The following PABPC1L variants were observed in gnomAD, a reference collection of about 807,000 sequenced individuals.
PABPC1L encodes polyadenylate-binding protein 1-like.
Under a neutral mutation model 66.6 loss-of-function variants are expected in PABPC1L, and 31 were observed. The observed-to-expected ratio is 0.47, with a 90% CI of 0.35 to 0.63. PABPC1L has a LOEUF of 0.63. PABPC1L is among the 20% of genes least tolerant of loss of function. The probability of loss-of-function intolerance (pLI) is 0.00; values close to 1 mark genes in which losing one functional copy is unlikely to be tolerated. For synonymous variants in PABPC1L, 348 were observed against 335.1 expected (o/e 1.04, Z -0.42); for missense variants, 722 against 848.8 (o/e 0.85, Z 1.86).
intron 7 of PABPC1L, among the ~76,000 whole-genome samples, chr20:44,924,972 G>A (rs2062073868): frequency 6.9e-6 from 1 of 145,238 alleles, no homozygotes; most frequent in Non-Finnish European, 1.5e-5. Flanking sequence ...CCAGCACTTT[G>A]GGAGGCTGAG....
In PABPC1L at chr20:44,921,638, G is replaced by A; in HGVS notation, c.783G>A (p.Leu261=). 6.2e-7 allele frequency: 1 copy of A among 1,614,064 alleles called. No homozygotes were observed. The highest frequency in any genetic ancestry group is 1.1e-5 in the South Asian group (1 of 91,080). The change falls in exon 6 of 15, where the codon CTG becomes CTA. Residue 261 remains leucine, a synonymous_variant. Transcript: ENST00000217073. ...MNGKEVSGRL[L]YAGRAQKRVE... ...GGAAGGAGGTGAGCGGGCGGCTGCT[G>A]TACGCGGGCCGGGCCCAAAAGCGCG...
intron 2 of PABPC1L, 67 bp from the exon 3 acceptor site, chr20:44,916,689 C>T: frequency 6.8e-7 from 1 of 1,473,758 alleles, no homozygotes; most frequent in South Asian, 1.1e-5. Context: ...TCGTGATCAC[C>T]TTTGCCATTC....
Position 44,910,234 on chromosome 20 carries a change from T to A in PABPC1L, c.91T>A (p.Phe31Ile), listed in dbSNP as rs1413874498. Residue 31 changes from phenylalanine to isoleucine, a missense_variant, in exon 1 of 15, where the codon TTC (phenylalanine) becomes ATC (isoleucine). Around this residue, in one of 3 missense-constraint regions of PABPC1L, gnomAD observed 284 missense variants for 294.8 expected, o/e 0.96. Coordinates refer to ENST00000217073, the MANE Select transcript of PABPC1L (RefSeq NM_001372179.1). ...DVTEAMLYEK[F>I]SPAGPILSIR... ...GACCGAGGCCATGCTCTATGAGAAG[T>A]TCTCTCCCGCCGGCCCCATCCTGTC... The A allele has an allele frequency of 1.3e-6, 2 of 1,572,522 alleles. No individual in the cohort carries two copies. The highest frequency in any genetic ancestry group is 1.7e-6 in the Non-Finnish European group (2 of 1,159,190).
intron 5 of PABPC1L, among the ~76,000 whole-genome samples, chr20:44,920,317 G>C (rs2066764265): frequency 6.6e-6 from 1 of 152,002 alleles, no homozygotes. Flanking sequence ...ATTCCTCCAT[G>C]CCCCTTAACC....
chr20:44,932,363 T>TA lies in PABPC1L; in HGVS notation c.1262dup (p.Tyr421Ter), dbSNP rs1446326684. 5.6e-6 allele frequency: 9 copies of TA among 1,613,552 alleles called. No individual in the cohort carries two copies. Among genetic ancestry groups the TA allele is most frequent in the Non-Finnish European group, 7.6e-6 (9 of 1,179,740 alleles). The change falls in exon 9 of 15, where the codon TAT becomes TAAT. Residue 421 changes from tyrosine (Y) to a stop codon, truncating the protein, a stop_gained and frameshift_variant. Transcript: ENST00000217073. LOFTEE classifies it high-confidence loss of function. ...MPQPPAQAAY[Y>*]GCGPVTPTQP... ...GCAGCCTCCAGCCCAGGCTGCATAC[T>TA]ATGGCTGTGGCCCAGTGACACCCAC...
intron 7 of PABPC1L, 88 bp downstream of exon 7, chr20:44,924,344 GCCCAGCAGCC>G: frequency 9.6e-7 from 1 of 1,043,296 alleles, no homozygotes; most frequent in Non-Finnish European, 1.4e-6. Flanking sequence ...CCACCCTCTC[GCCCAGCAGCC>G]TTCAGGGGGT....
At chr20:44,939,081 T>C in intron 14 of PABPC1L, 45 bp from the exon 15 acceptor site, 3 of 717,466 alleles carry the variant, frequency 4.2e-6, no homozygotes, top group Non-Finnish European at 7.8e-6. Context: ...AGACTGGGTG[T>C]CTGCCATACT....
At chr20:44,918,756 G>T in intron 3 of PABPC1L, 150 bp from the exon 4 acceptor site, 3 of 829,500 alleles carry the variant, frequency 3.6e-6, no homozygotes, top group African/African-American at 1.7e-5. Context: ...GCCGGGCCTT[G>T]GGGATGTTCT....
chr20:44,929,587 G>C (rs1401364967), intron 7 of PABPC1L, among the ~76,000 whole-genome samples: 1 of 151,828 alleles, frequency 6.6e-6, no homozygotes, highest in Non-Finnish European at 1.5e-5. Flanking sequence ...TTGAGGTCAG[G>C]AGTTTGAGAC....
chr20:44,925,210 CAAAAAA>C (rs34623911), intron 7 of PABPC1L, among the ~76,000 whole-genome samples: 1 of 75,486 alleles, frequency 1.3e-5, no homozygotes, highest in Non-Finnish European at 2.6e-5. Flanking sequence ...GACTCTGTCT[CAAAAAA>C]AAAAAAAAAA....
chr20:44,928,153 C>T (rs1210407010), intron 7 of PABPC1L, among the ~76,000 whole-genome samples: 1 of 152,170 alleles, frequency 6.6e-6, no homozygotes, highest in African/African-American at 2.4e-5. Context: ...ACTACAACCT[C>T]TGCCTCCCAG....
Position 44,913,218 on chromosome 20 carries a change from G to A in PABPC1L, c.387+365G>A, listed in dbSNP as rs541429951. Among the ~76,000 whole-genome samples, 85 of 152,316 alleles carry A rather than the reference G, an allele frequency of 5.6e-4. 1 individual carries two copies. Among genetic ancestry groups the A allele is most frequent in the Middle Eastern group, 6.8e-3 (2 of 294 alleles). On this transcript the variant is annotated intron_variant, in intron 2 of 14. Coordinates refer to ENST00000217073, the MANE Select transcript of PABPC1L (RefSeq NM_001372179.1). The stretch of plus-strand genomic sequence containing the variant: ...AAAGCTGAGTGGGAGCTCTCGCTGG[G>A]TATATGAGGGAGCGACTGGCTGTCA...
chr20:44,926,465 T>G (rs967492092), intron 7 of PABPC1L, among the ~76,000 whole-genome samples: 1 of 151,576 alleles, frequency 6.6e-6, no homozygotes, highest in Non-Finnish European at 1.5e-5. Flanking sequence ...GACCTAGTAA[T>G]CCGCCCGCCT....
chr20:44,933,164 G>C lies in PABPC1L; in HGVS notation c.1438G>C (p.Val480Leu). The change falls in exon 10 of 15, where the codon GTG becomes CTG. Residue 480 changes from valine to leucine, a missense_variant. Physicochemically the swap from Val to Leu is conservative, Grantham distance 32. Coordinates refer to ENST00000217073, the MANE Select transcript of PABPC1L (RefSeq NM_001372179.1). Reference protein sequence around the residue: ...RQASTQVPRTVPHTQRVANIG... With the variant: ...RQASTQVPRTLPHTQRVANIG... ...GGCCTCCACCCAGGTGCCACGCACGGTGCCTCATACCCAGAGAGTAGGTGA... is the reference window on the plus strand; with the variant it reads ...GGCCTCCACCCAGGTGCCACGCACGCTGCCTCATACCCAGAGAGTAGGTGA... The C allele has an allele frequency of 6.2e-7, 1 of 1,608,254 alleles. No homozygotes were observed. The highest frequency in any genetic ancestry group is 8.5e-7 in the Non-Finnish European group (1 of 1,177,966).
chr20:44,911,247 TGAG>T (rs58574858), intron 1 of PABPC1L, among the ~76,000 whole-genome samples: 6,573 of 152,174 alleles, frequency 0.043, 469 homozygotes, highest in African/African-American at 0.15. Context: ...GCAGATCACT[TGAG>T]GTCAGGAGTT....
chr20:44,930,756 G>A (rs1376557427), intron 8 of PABPC1L, 30 bp downstream of exon 8: 8 of 1,602,294 alleles, frequency 5.0e-6, no homozygotes, highest in Non-Finnish European at 6.0e-6. Context: ...TCCCACCGCA[G>A]CCTTCCCCCC....
intron 1 of PABPC1L, among the ~76,000 whole-genome samples, chr20:44,910,864 C>G (rs1485283250): frequency 6.6e-6 from 1 of 152,194 alleles, no homozygotes; most frequent in African/African-American, 2.4e-5. Flanking sequence ...TCTACCTGCA[C>G]GGGCTCTGAA....
rs751329647 is a variant in PABPC1L, at chr20:44,912,863, G to A, written c.387+10G>A. On this transcript the variant is annotated intron_variant, in intron 2 of 14. Transcript: ENST00000217073. ...CATCCTCTCTTGCAAGGTAGAGGAT[G>A]AAGGGTGTACGTCTTTGGGTAGATC... is the stretch of plus-strand genomic sequence containing the variant. The A allele has an allele frequency of 6.2e-7, 1 of 1,612,008 alleles. No homozygotes were observed. The highest frequency in any genetic ancestry group is 1.1e-5 in the South Asian group (1 of 90,934).
In PABPC1L at chr20:44,936,619, G is replaced by T. The variant is rs931032618; in HGVS notation, c.1567-18G>T. On this transcript the variant is annotated intron_variant, in intron 11 of 14. Transcript: ENST00000217073. ...CCTGTCCATGGTGATTAAGGGATGTGTCCCCGGCACCATGCAGGTCCAGGA... is the reference window on the plus strand; with the variant it reads ...CCTGTCCATGGTGATTAAGGGATGTTTCCCCGGCACCATGCAGGTCCAGGA... 13 of 1,561,104 alleles carry T rather than the reference G, an allele frequency of 8.3e-6. No individual in the cohort carries two copies. In the African/African-American group the frequency reaches 1.6e-4, roughly 19 times the overall value.
Sources: gnomAD v4.1 joint callset for allele counts (sites outside exome capture counted in the v4.1 genomes callset) on GRCh38, gnomAD v4.1.1 for gene constraint, gnomAD v4.1.1 regional missense constraint, MANE v1.5 for transcripts, NCBI Gene and HGNC (gene_info 2026-07-23, HGNC 2026-07-21) for gene names.